The following NKAIN3 variants were observed in gnomAD, a reference collection of about 807,000 sequenced individuals.
NKAIN3 encodes the protein sodium/potassium transporting ATPase interacting 3, also known as sodium/potassium-transporting ATPase subunit beta-1-interacting protein 3.
A neutral mutation model predicts 30.2 loss-of-function variants in NKAIN3; 25 were observed. The observed-to-expected ratio is 0.83, with a 90% confidence interval of 0.60 to 1.16. The LOEUF is 1.16. Among genes scored for constraint, NKAIN3 ranks in the 50% most tolerant of loss-of-function variants. The pLI, the probability that NKAIN3 is intolerant of heterozygous loss-of-function variation, is 0.00. For missense variants in NKAIN3, 225 were observed against 254.1 expected, an observed-to-expected ratio of 0.89 and a Z score of 0.78; for synonymous variants, 91 against 89.6, an observed-to-expected ratio of 1.02 and a Z score of -0.09.
At chr8:62,314,498 G>A (rs1814548229) in intron 1 of NKAIN3, among the ~76,000 whole-genome samples, 1 of 152,146 alleles carries the variant, frequency 6.6e-6, no homozygotes, top group South Asian at 2.1e-4. Context: ...TGTATTCCTT[G>A]TAGAGCAAGC....
At chr8:62,806,787 TA>T (rs1818301437) in intron 4 of NKAIN3, among the ~76,000 whole-genome samples, 1 of 151,612 alleles carries the variant, frequency 6.6e-6, no homozygotes, top group South Asian at 2.1e-4. Flanking sequence ...ACATGTACCC[TA>T]AAAGTTAAAG....
intron 5 of NKAIN3, among the ~76,000 whole-genome samples, chr8:62,919,227 A>ATTTTTTTTTTTTTTTTTTTT (rs71255371): frequency 2.1e-5 from 1 of 47,188 alleles, no homozygotes; most frequent in Non-Finnish European, 3.6e-5. Flanking sequence ...TACTTTCAAA[A>ATTTTTTTTTTTTTTTTTTTT]TTTTTTTTTT....
At chr8:62,666,726 A>G (rs914774041) in intron 3 of NKAIN3, among the ~76,000 whole-genome samples, 1 of 152,198 alleles carries the variant, frequency 6.6e-6, no homozygotes, top group Non-Finnish European at 1.5e-5. Flanking sequence ...TCTCAAAAAG[A>G]TAATTTTTAT....
rs559058731 is a variant in NKAIN3 at position 62,370,764 on chromosome 8, A to G, written c.54+121637A>G. ...GTAAAACATTCTGTACATCTCAACT[A>G]TGGGCAAGAATGTGGTGTTAGAAAA... is the stretch of plus-strand genomic sequence containing the variant. On this transcript the variant is annotated intron_variant, in intron 1 of 6. Coordinates refer to ENST00000623646, the MANE Select transcript of NKAIN3 (RefSeq NM_001304533.3). 9.9e-5 allele frequency among the ~76,000 whole-genome samples: 15 copies of G among 152,108 alleles called. No individual in the cohort carries two copies. The South Asian group carries it at 2.7e-3, about 27-fold the overall frequency.
At chr8:62,682,003 T>C (rs2130420203) in intron 3 of NKAIN3, among the ~76,000 whole-genome samples, 2 of 152,252 alleles carry the variant, frequency 1.3e-5, no homozygotes, top group South Asian at 4.1e-4. Flanking sequence ...TTGCAGCTCC[T>C]ACTCGGAGGG....
intron 3 of NKAIN3, among the ~76,000 whole-genome samples, chr8:62,645,860 T>A (rs1385269389): frequency 1.3e-5 from 2 of 152,172 alleles, no homozygotes; most frequent in African/African-American, 2.4e-5. Flanking sequence ...GAAATTCAAA[T>A]TTTCAATTGC....
chr8:62,337,441 G>C lies in NKAIN3; in HGVS notation c.54+88314G>C, dbSNP rs531469815. Among the ~76,000 whole-genome samples the C allele has an allele frequency of 9.2e-5, 14 of 151,946 alleles. No homozygotes were observed. In the South Asian group the frequency reaches 2.9e-3, roughly 32 times the overall value. ...AATTTTCTGGAGCATAGGACAGAAT[G>C]AAGTATATCAGGGGCAGGAAAAAAA... On this transcript the variant is annotated intron_variant, in intron 1 of 6. Transcript: ENST00000623646.
chr8:62,886,627 G>A (rs1821155942), intron 4 of NKAIN3, among the ~76,000 whole-genome samples: 1 of 151,980 alleles, frequency 6.6e-6, no homozygotes, highest in African/African-American at 2.4e-5. Context: ...ATTTTAGGTT[G>A]GTGAAGGTCT....
chr8:62,871,957 G>C (rs948540175), intron 4 of NKAIN3, among the ~76,000 whole-genome samples: 2 of 152,216 alleles, frequency 1.3e-5, no homozygotes, highest in African/African-American at 4.8e-5. Context: ...CATTGCATAA[G>C]GACATTTTGG....
intron 1 of NKAIN3, among the ~76,000 whole-genome samples, chr8:62,422,194 G>A (rs1332098988): frequency 6.6e-6 from 1 of 152,060 alleles, no homozygotes; most frequent in Non-Finnish European, 1.5e-5. Flanking sequence ...AATGTTGAGT[G>A]AAATACATTC....
At chr8:62,368,033 TACA>T (rs1201910834) in intron 1 of NKAIN3, among the ~76,000 whole-genome samples, 1 of 152,136 alleles carries the variant, frequency 6.6e-6, no homozygotes, top group Non-Finnish European at 1.5e-5. Context: ...AAAAGACCTG[TACA>T]CTGAAAGCTC....
intron 1 of NKAIN3, among the ~76,000 whole-genome samples, chr8:62,515,415 A>C (rs953449170): frequency 2.0e-5 from 3 of 152,032 alleles, no homozygotes; most frequent in African/African-American, 4.8e-5. Context: ...AATTGCCTCT[A>C]TCTCTCCCAT....
chr8:62,701,895 C>T (rs1305574541), intron 3 of NKAIN3, among the ~76,000 whole-genome samples: 1 of 152,228 alleles, frequency 6.6e-6, no homozygotes, highest in East Asian at 1.9e-4. Flanking sequence ...GGCTGAAGTC[C>T]ACCTACGCTC....
intron 3 of NKAIN3, among the ~76,000 whole-genome samples, chr8:62,676,164 A>C (rs1027615517): frequency 1.3e-5 from 2 of 152,226 alleles, no homozygotes; most frequent in African/African-American, 4.8e-5. Context: ...AGAGAGAGTA[A>C]GTAACTTGTG....
In NKAIN3 at chr8:62,984,287, A is replaced by G. The variant is rs903685273; in HGVS notation, c.*18880A>G. ...TACCTAGGGCATTTCATTATATTTC[A>G]AAGGCACAGGTTGCTGGTAAGAGGG... On this transcript the variant is annotated 3_prime_UTR_variant, in exon 7 of 7. Coordinates refer to ENST00000623646, the MANE Select transcript of NKAIN3 (RefSeq NM_001304533.3). The G allele has an allele frequency of 6.6e-6, 1 of 152,216 alleles. No individual in the cohort carries two copies. The highest frequency in any genetic ancestry group is 2.4e-5 in the African/African-American group (1 of 41,456). The allele number at this position is 152,216 out of a possible 1,614,324, so 9.4% of individuals were successfully genotyped here. A position where few individuals can be genotyped will look rare whatever the true frequency, so the allele number is the denominator to read the frequency against.
At chr8:62,827,734 G>T (rs1235154801) in intron 4 of NKAIN3, among the ~76,000 whole-genome samples, 3 of 152,088 alleles carry the variant, frequency 2.0e-5, no homozygotes, top group Admixed American at 2.0e-4. Flanking sequence ...ACAGTATAAT[G>T]AAGCTCTATG....
At chr8:62,734,545 G>T (rs1285432309) in intron 3 of NKAIN3, among the ~76,000 whole-genome samples, 2 of 152,112 alleles carry the variant, frequency 1.3e-5, no homozygotes, top group African/African-American at 2.4e-5. Flanking sequence ...AAGAATGCTT[G>T]AACCCATTCA....
intron 3 of NKAIN3, among the ~76,000 whole-genome samples, chr8:62,636,011 G>A (rs1308152976): frequency 1.3e-5 from 2 of 152,132 alleles, no homozygotes; most frequent in Non-Finnish European, 2.9e-5. Flanking sequence ...GCATATACAA[G>A]TTCAGTCTGC....
At chr8:62,486,108 C>T (rs974590851) in intron 1 of NKAIN3, among the ~76,000 whole-genome samples, 1 of 151,970 alleles carries the variant, frequency 6.6e-6, no homozygotes, top group Non-Finnish European at 1.5e-5. Context: ...ATCAAGACCA[C>T]CAAAACAAAA....
Sources: gnomAD v4.1 joint callset for allele counts (sites outside exome capture counted in the v4.1 genomes callset) on GRCh38, gnomAD v4.1.1 for gene constraint, MANE v1.5 for transcripts, NCBI Gene and HGNC (gene_info 2026-07-23, HGNC 2026-07-21) for gene names.